SYT1: variants seen among roughly 807,000 people sequenced by gnomAD.
The protein encoded by SYT1 is synaptotagmin 1, also known as synaptotagmin-1.
Under a neutral mutation model 44.8 loss-of-function variants are expected in SYT1, and 8 were observed. The ratio of observed to expected loss-of-function variants is 0.18; its 90% CI spans 0.10 to 0.32. SYT1 has a LOEUF of 0.32. SYT1 is among the 10% of genes least tolerant of loss of function. SYT1 has a pLI of 1.00. For missense variants in SYT1, 286 were observed against 509.3 expected (o/e 0.56, Z 4.22); for synonymous variants, 154 against 188.8 (o/e 0.82, Z 1.51).
chr12:78,970,933 G>T (rs1445344103), intron 1 of SYT1, among the ~76,000 whole-genome samples: 2 of 152,154 alleles, frequency 1.3e-5, no homozygotes, highest in African/African-American at 4.8e-5. Flanking sequence ...TGGATCACCT[G>T]AGGTCAAGAG....
At chr12:79,219,034 T>G (rs1340239804) in intron 4 of SYT1, among the ~76,000 whole-genome samples, 1 of 152,132 alleles carries the variant, frequency 6.6e-6, no homozygotes, top group Non-Finnish European at 1.5e-5. Context: ...TATATTTGAT[T>G]TTTTGATAAT....
At chr12:79,280,180 G>C (rs1231844301) in intron 4 of SYT1, among the ~76,000 whole-genome samples, 1 of 151,634 alleles carries the variant, frequency 6.6e-6, no homozygotes, top group Non-Finnish European at 1.5e-5. Flanking sequence ...AGCCTGAATA[G>C]CCTAAGCAAT....
intron 2 of SYT1, among the ~76,000 whole-genome samples, chr12:78,999,296 A>T (rs1280649693): frequency 6.6e-6 from 1 of 152,192 alleles, no homozygotes; most frequent in South Asian, 2.1e-4. Context: ...TAGAGGCAAC[A>T]TGATGGTGTT....
chr12:79,117,687 A>G (rs1879361892), intron 3 of SYT1, among the ~76,000 whole-genome samples: 1 of 79,278 alleles, frequency 1.3e-5, no homozygotes, highest in Admixed American at 1.2e-4. Flanking sequence ...ATATATATAT[A>G]TATATATATA....
intron 1 of SYT1, among the ~76,000 whole-genome samples, chr12:78,876,184 G>A (rs1339483943): frequency 1.3e-5 from 2 of 151,502 alleles, no homozygotes; most frequent in Non-Finnish European, 3.0e-5. Flanking sequence ...AGACAACACA[G>A]TTCTTGTAGC....
chr12:79,116,153 T>C (rs1592761705), intron 3 of SYT1, among the ~76,000 whole-genome samples: 2 of 152,292 alleles, frequency 1.3e-5, no homozygotes, highest in Non-Finnish European at 2.9e-5. Flanking sequence ...AGAGTAGGAT[T>C]AGTTGAGATA....
intron 4 of SYT1, among the ~76,000 whole-genome samples, chr12:79,285,107 G>A (rs969107193): frequency 6.6e-6 from 1 of 152,166 alleles, no homozygotes; most frequent in African/African-American, 2.4e-5. Context: ...CACATCTGGA[G>A]AACTTCAGTG....
At chr12:78,888,249 G>A (rs1032603892) in intron 1 of SYT1, among the ~76,000 whole-genome samples, 1 of 151,798 alleles carries the variant, frequency 6.6e-6, no homozygotes, top group Non-Finnish European at 1.5e-5. Context: ...TAAAGTTAGT[G>A]TAAATGGATT....
At chr12:79,271,434 T>A (rs1326268847) in intron 4 of SYT1, among the ~76,000 whole-genome samples, 1 of 152,170 alleles carries the variant, frequency 6.6e-6, no homozygotes, top group Non-Finnish European at 1.5e-5. Context: ...GCCATGTAGA[T>A]TTCATTTGAA....
At chr12:79,388,227 C>CA (rs1037362921) in intron 9 of SYT1, among the ~76,000 whole-genome samples, 12 of 152,268 alleles carry the variant, frequency 7.9e-5, no homozygotes, top group African/African-American at 2.9e-4. Flanking sequence ...AAAATGTCTA[C>CA]AGTAGCCTTA....
intron 4 of SYT1, among the ~76,000 whole-genome samples, chr12:79,241,346 C>A (rs546248174): frequency 6.6e-6 from 1 of 152,044 alleles, no homozygotes; most frequent in African/African-American, 2.4e-5. Flanking sequence ...TCTCGGCTCA[C>A]TGCAACCTCC....
intron 4 of SYT1, among the ~76,000 whole-genome samples, chr12:79,239,603 A>G (rs567538273): frequency 6.6e-6 from 1 of 152,216 alleles, no homozygotes; most frequent in African/African-American, 2.4e-5. Flanking sequence ...ACCTATTCTA[A>G]AAAAAGTTTG....
rs577122237 is a variant in SYT1, at chr12:79,007,024, A to G, written c.-84+29093A>G. ...ATACCCCTAAGCTCTCTGCCCATTA[A>G]CATTTCAGTTTATAAGTGTTTTCAA... On this transcript the variant is annotated intron_variant, in intron 2 of 10. Coordinates refer to ENST00000261205, the MANE Select transcript of SYT1 (RefSeq NM_005639.3). Among the ~76,000 whole-genome samples, 22 of 152,172 alleles carry G rather than the reference A, an allele frequency of 1.4e-4. 2 individuals carry two copies. In the South Asian group the frequency reaches 4.6e-3, roughly 32 times the overall value.
At chr12:79,394,809 A>G (rs1176852233) in intron 9 of SYT1, among the ~76,000 whole-genome samples, 1 of 152,220 alleles carries the variant, frequency 6.6e-6, no homozygotes, top group Non-Finnish European at 1.5e-5. Flanking sequence ...AAACATCTGG[A>G]CTGTAAATTT....
rs574631611 is a variant in SYT1, at chr12:79,131,647, G to A, written c.-18+84285G>A. On this transcript the variant is annotated intron_variant, in intron 3 of 10. Coordinates refer to ENST00000261205, the MANE Select transcript of SYT1 (RefSeq NM_005639.3). ...TAATCAGATGTGTTATAAGCCAAGT[G>A]CTAACACATAGAAGACCATCAATGA... 2.6e-4 allele frequency among the ~76,000 whole-genome samples: 40 copies of A among 152,162 alleles called. No individual in the cohort carries two copies. The South Asian group carries it at 8.1e-3, about 31-fold the overall frequency.
At chr12:79,444,332 A>C in intron 10 of SYT1, 126 bp downstream of exon 10, 1 of 1,177,098 alleles carries the variant, frequency 8.5e-7, no homozygotes, top group Non-Finnish European at 1.2e-6. Context: ...CTTTCTCCCC[A>C]TGCACATTTG....
intron 1 of SYT1, among the ~76,000 whole-genome samples, chr12:78,973,930 AAAAAAAAAATATATATATATATATATAT>A (rs1428152925): frequency 1.2e-4 from 5 of 42,568 alleles, no homozygotes; most frequent in African/African-American, 5.2e-4. Context: ...AAAAAAAAAA[AAAAAAAAAATATATATATATATATATAT>A]ATATATATAT....
chr12:79,346,771 G>A (rs1443011564), intron 8 of SYT1, among the ~76,000 whole-genome samples: 1 of 152,156 alleles, frequency 6.6e-6, no homozygotes, highest in African/African-American at 2.4e-5. Context: ...TATTTACAAA[G>A]CAGATGACTG....
At chr12:78,915,884 C>A (rs1876623323) in intron 1 of SYT1, among the ~76,000 whole-genome samples, 1 of 151,858 alleles carries the variant, frequency 6.6e-6, no homozygotes, top group Non-Finnish European at 1.5e-5. Context: ...TACTTTTCAT[C>A]CCAAATTCTA....
Sources: gnomAD v4.1 joint callset for allele counts (sites outside exome capture counted in the v4.1 genomes callset) on GRCh38, gnomAD v4.1.1 for gene constraint, MANE v1.5 for transcripts, NCBI Gene and HGNC (gene_info 2026-07-23, HGNC 2026-07-21) for gene names.